Variants in PHACTR2 observed in about 807,000 individuals in gnomAD.
PHACTR2 encodes the protein chromosome 6 open reading frame 56.
A neutral mutation model predicts 76.0 loss-of-function variants in PHACTR2; 30 were observed. The ratio of observed to expected loss-of-function variants is 0.39; its 90% CI spans 0.30 to 0.54. The LOEUF (loss-of-function observed/expected upper bound fraction) is 0.54. Among genes scored for constraint, PHACTR2 ranks in the 20% least tolerant of loss-of-function variants. The pLI is 0.61. For synonymous variants in PHACTR2, 292 were observed against 292.5 expected (o/e 1.00, Z 0.02); for missense variants, 696 against 781.1 (o/e 0.89, Z 1.30).
At position 143,548,260 on chromosome 6, in the gene PHACTR2, A is replaced by G. The variant is rs142607157; in HGVS notation, c.217+11053A>G. 8.6e-3 allele frequency among the ~76,000 whole-genome samples: 1,296 copies of G among 149,982 alleles called. 22 individuals are homozygous for G. Among genetic ancestry groups the G allele is most frequent in the African/African-American group, 0.029 (1,211 of 41,418 alleles). ...TTCATTCATGAAGGTTCCACCCTCA[A>G]TACCTCATCTAATCCTTATTACCTC... On this transcript the variant is annotated intron_variant, in intron 1 of 11. Coordinates refer to the PHACTR2 transcript ENST00000367584. This position sits in a 1 kb window ranked among gnomAD's most constrained non-coding sequence, Gnocchi z 4.5.
chr6:143,666,193 GAA>G (rs1777031856), intron 1 of PHACTR2, among the ~76,000 whole-genome samples: 1 of 152,072 alleles, frequency 6.6e-6, no homozygotes, highest in Non-Finnish European at 1.5e-5. Context: ...CATGTCCCTG[GAA>G]AGGACATGAA....
upstream of PHACTR2, among the ~76,000 whole-genome samples, chr6:143,607,565 C>A (rs556590699): frequency 2.2e-4 from 32 of 145,972 alleles, no homozygotes; most frequent in African/African-American, 7.9e-4. Flanking sequence ...TAGTGACATT[C>A]GGTGAAAATA....
Position 143,543,836 on chromosome 6 carries a change from A to G in PHACTR2, c.217+6629A>G, listed in dbSNP as rs534597581. 1.2e-4 allele frequency among the ~76,000 whole-genome samples: 18 copies of G among 152,300 alleles called. No individual in the cohort carries two copies. Among genetic ancestry groups the G allele is most frequent in the African/African-American group, 3.1e-4 (13 of 41,562 alleles). ...AGGCATTTGCAAGTTTGATATGGAT[A>G]TATTCTGAGTATATTCTGACATGAA... On this transcript the variant is annotated intron_variant, in intron 1 of 11. Transcript: ENST00000367584. This position sits in a 1 kb window ranked among gnomAD's most constrained non-coding sequence, Gnocchi z 4.7.
intron 1 of PHACTR2, among the ~76,000 whole-genome samples, chr6:143,613,077 C>A (rs1776005916): frequency 6.6e-6 from 1 of 152,196 alleles, no homozygotes; most frequent in Non-Finnish European, 1.5e-5. Flanking sequence ...CCCAGGTTCA[C>A]GCCATTCCCT....
chr6:143,746,740 G>A (rs370407149), intron 2 of PHACTR2, among the ~76,000 whole-genome samples: 1 of 151,632 alleles, frequency 6.6e-6, no homozygotes, highest in East Asian at 2.0e-4. Flanking sequence ...GCTTCCTGCC[G>A]TTGATAAGAG....
chr6:143,560,887 G>C (rs1263310336), intron 1 of PHACTR2, among the ~76,000 whole-genome samples: 1 of 66,484 alleles, frequency 1.5e-5, no homozygotes, highest in African/African-American at 4.5e-5. Flanking sequence ...AGAGGGGTGT[G>C]TGTGTGTGTG....
At position 143,610,157 on chromosome 6, in the gene PHACTR2, T is replaced by C. The variant is rs1775953383; in HGVS notation, c.13+1835T>C. On this transcript the variant is annotated intron_variant, in intron 1 of 11. Transcript: ENST00000305766. The surrounding 1 kb of genome is among the most constrained non-coding windows in gnomAD (Gnocchi z 4.9). ...ATTGGCTGTCAGTGATCACTTTTCA[T>C]GGTAATTTTTTGATGAGGTAAGCAG... is the stretch of plus-strand genomic sequence containing the variant. Among the ~76,000 whole-genome samples, 1 of 152,178 alleles carries C rather than the reference T, an allele frequency of 6.6e-6. No individual in the cohort carries two copies. Among genetic ancestry groups the C allele is most frequent in the Admixed American group, 6.5e-5 (1 of 15,288 alleles).
chr6:143,569,076 A>G (rs1406417905), intron 1 of PHACTR2, among the ~76,000 whole-genome samples: 1 of 152,122 alleles, frequency 6.6e-6, no homozygotes, highest in African/African-American at 2.4e-5. Context: ...TTCCCAACCC[A>G]TATTTGGAGA....
rs1218787328 is a variant in PHACTR2, at chr6:143,824,562, G to T, written c.*873G>T. ...AGCAAGCTTCAGAAATAAATCTTTT[G>T]ATCTTTCCCTATCTTGATTAGATCC... is the stretch of plus-strand genomic sequence containing the variant. On this transcript the variant is annotated 3_prime_UTR_variant, in exon 13 of 13. Transcript: ENST00000440869. The surrounding 1 kb of genome is among the most constrained non-coding windows in gnomAD (Gnocchi z 6.3). 1.3e-5 allele frequency: 2 copies of T among 152,540 alleles called. No individual in the cohort carries two copies. 9.4% of individuals were successfully genotyped at this position (152,540 alleles called of 1,614,324 possible). A position where few individuals can be genotyped will look rare whatever the true frequency, so the allele number is the denominator to read the frequency against.
chr6:143,734,539 A>G (rs911827019), intron 2 of PHACTR2, among the ~76,000 whole-genome samples: 18 of 152,226 alleles, frequency 1.2e-4, no homozygotes, highest in African/African-American at 4.3e-4. Flanking sequence ...AAGCATTCTC[A>G]AATGAGACAT....
In PHACTR2 at chr6:143,578,434, T is replaced by C. The variant is rs975483733; in HGVS notation, c.217+41227T>C. Among the ~76,000 whole-genome samples the C allele has an allele frequency of 1.1e-4, 16 of 152,176 alleles. No individual in the cohort carries two copies. The highest frequency in any genetic ancestry group is 3.9e-4 in the African/African-American group (16 of 41,436). The stretch of plus-strand genomic sequence containing the variant: ...TCCCCATAAGAAAGGTTGAGCATGG[T>C]AGCCATGGAAGGATGTGTAGGTTGT... On this transcript the variant is annotated intron_variant, in intron 1 of 11. Coordinates refer to the PHACTR2 transcript ENST00000367584. The surrounding 1 kb of genome is among the most constrained non-coding windows in gnomAD (Gnocchi z 4.5).
In PHACTR2 at chr6:143,830,814, CATTGGG is replaced by C. The variant is rs898157235; in HGVS notation, c.*7127_*7132del. On this transcript the variant is annotated 3_prime_UTR_variant, in exon 13 of 13. Transcript: ENST00000440869. ...TTGGGAAAAGTTACCTCAATAAAATCATTGGGAAATCCCCAGTTTTAGTTTGTTCCA... is the reference window on the plus strand; with the variant it reads ...TTGGGAAAAGTTACCTCAATAAAATCAAATCCCCAGTTTTAGTTTGTTCCA... The C allele has an allele frequency of 1.3e-5, 2 of 152,150 alleles. No individual in the cohort carries two copies. Among genetic ancestry groups the C allele is most frequent in the African/African-American group, 4.8e-5 (2 of 41,436 alleles). 9.4% of individuals were successfully genotyped at this position (152,150 alleles called of 1,614,324 possible).
chr6:143,651,158 C>T (rs1033906758), intron 1 of PHACTR2, among the ~76,000 whole-genome samples: 4 of 151,862 alleles, frequency 2.6e-5, no homozygotes, highest in Admixed American at 6.6e-5. Flanking sequence ...TCATGCCAGT[C>T]AGGATAGCTA....
At chr6:143,699,192 G>T (rs1036888787) in intron 1 of PHACTR2, among the ~76,000 whole-genome samples, 2 of 151,920 alleles carry the variant, frequency 1.3e-5, no homozygotes, top group African/African-American at 4.8e-5. Flanking sequence ...CCCAAATCTC[G>T]CTATGACCTG....
At position 143,616,319 on chromosome 6, in the gene PHACTR2, A is replaced by G. The variant is rs919697081; in HGVS notation, c.13+7997A>G. Among the ~76,000 whole-genome samples, 1 of 152,184 alleles carries G rather than the reference A, an allele frequency of 6.6e-6. No individual in the cohort carries two copies. The highest frequency in any genetic ancestry group is 1.5e-5 in the Non-Finnish European group (1 of 68,028). ...CTGAATCATTCAGTCCTGGCACAGC[A>G]TTTATACCTTTACAGGTGTCAAGTT... On this transcript the variant is annotated intron_variant, in intron 1 of 11. Transcript: ENST00000305766. The surrounding 1 kb of genome is among the most constrained non-coding windows in gnomAD (Gnocchi z 4.9).
rs1466789936 is a variant in PHACTR2, at chr6:143,800,062, T to G, written c.1846-6995T>G. Reference sequence around the variant, plus strand: ...AGAACTTGCTTTATGAATCTGGTGCTCGTGTACTGGATGCATATATATTTA... The same window carrying G: ...AGAACTTGCTTTATGAATCTGGTGCGCGTGTACTGGATGCATATATATTTA... On this transcript the variant is annotated intron_variant, in intron 11 of 12. Coordinates refer to ENST00000440869, the MANE Select transcript of PHACTR2 (RefSeq NM_001100164.2). The surrounding 1 kb of genome is among the most constrained non-coding windows in gnomAD (Gnocchi z 4.8). 6.6e-6 allele frequency among the ~76,000 whole-genome samples: 1 copy of G among 152,228 alleles called. No homozygotes were observed. The highest frequency in any genetic ancestry group is 1.5e-5 in the Non-Finnish European group (1 of 68,038).
rs1292077939 is a variant in PHACTR2 at position 143,539,969 on chromosome 6, T to C, written c.217+2762T>C. ...CATCCTGGCCATTAGATGACGCTAA[T>C]GAGTAGCGAAGTTTGAGAACTGCTG... is the stretch of plus-strand genomic sequence containing the variant. On this transcript the variant is annotated intron_variant, in intron 1 of 11. Coordinates refer to the PHACTR2 transcript ENST00000367584. This position sits in a 1 kb window ranked among gnomAD's most constrained non-coding sequence, Gnocchi z 4.3. 6.6e-6 allele frequency among the ~76,000 whole-genome samples: 1 copy of C among 152,230 alleles called. No individual in the cohort carries two copies. Among genetic ancestry groups the C allele is most frequent in the Non-Finnish European group, 1.5e-5 (1 of 68,044 alleles).
At position 143,830,807 on chromosome 6, in the gene PHACTR2, A is replaced by G. The variant is rs1582924992; in HGVS notation, c.*7118A>G. 6.6e-6 allele frequency: 1 copy of G among 152,214 alleles called. No homozygotes were observed. The highest frequency in any genetic ancestry group is 2.4e-5 in the African/African-American group (1 of 41,472). 9.4% of individuals were successfully genotyped at this position (152,214 alleles called of 1,614,324 possible). A position where few individuals can be genotyped will look rare whatever the true frequency, so the allele number is the denominator to read the frequency against. ...TATAAAATTGGGAAAAGTTACCTCA[A>G]TAAAATCATTGGGAAATCCCCAGTT... On this transcript the variant is annotated 3_prime_UTR_variant, in exon 13 of 13. Transcript: ENST00000440869.
rs558272020 is a variant in PHACTR2, at chr6:143,806,787, C to G, written c.1846-270C>G. Among the ~76,000 whole-genome samples, 24 of 152,154 alleles carry G rather than the reference C, an allele frequency of 1.6e-4. No homozygotes were observed. Among genetic ancestry groups the G allele is most frequent in the African/African-American group, 5.5e-4 (23 of 41,522 alleles). On this transcript the variant is annotated intron_variant, in intron 11 of 12. Coordinates refer to ENST00000440869, the MANE Select transcript of PHACTR2 (RefSeq NM_001100164.2). The surrounding 1 kb of genome is among the most constrained non-coding windows in gnomAD (Gnocchi z 5.8). ...TGGGCAACATCTTGAGACTGTGTCT[C>G]TACCAAAAAAAATTTAAAAATTAGC...
Sources: gnomAD v4.1 joint callset for allele counts (sites outside exome capture counted in the v4.1 genomes callset) on GRCh38, gnomAD v4.1.1 for gene constraint, Gnocchi (gnomAD v3.1) non-coding constraint, MANE v1.5 for transcripts, NCBI Gene and HGNC (gene_info 2026-07-23, HGNC 2026-07-21) for gene names.